TMEM178B: variants seen among roughly 807,000 people sequenced by gnomAD.
TMEM178B encodes transmembrane protein 178B.
In TMEM178B, 5 loss-of-function variants were observed where a neutral mutation model predicts 31.0. The observed-to-expected ratio is 0.16, with a 90% CI of 0.08 to 0.34. The LOEUF (loss-of-function observed/expected upper bound fraction) is 0.34, where lower values mean the gene tolerates loss of function less well. Among genes scored for constraint, TMEM178B ranks in the 10% least tolerant of loss-of-function variants. The pLI is 1.00. For missense variants in TMEM178B, 275 were observed against 400.3 expected, an observed-to-expected ratio of 0.69 and a Z score of 2.67; for synonymous variants, 164 against 164.0, an observed-to-expected ratio of 1.00 and a Z score of 0.00.
At chr7:141,189,068 A>G (rs1294745650) in intron 1 of TMEM178B, among the ~76,000 whole-genome samples, 2 of 152,250 alleles carry the variant, frequency 1.3e-5, no homozygotes, top group Non-Finnish European at 2.9e-5. Flanking sequence ...AAGGTCTACA[A>G]TGAAGCCATG....
intron 2 of TMEM178B, among the ~76,000 whole-genome samples, chr7:141,215,152 T>A (rs1460625456): frequency 6.6e-6 from 1 of 151,884 alleles, no homozygotes; most frequent in East Asian, 1.9e-4. Flanking sequence ...AGTAGGCACA[T>A]AAGCCCCCTT....
intron 1 of TMEM178B, among the ~76,000 whole-genome samples, chr7:141,124,544 C>T (rs952455492): frequency 2.6e-5 from 4 of 152,078 alleles, no homozygotes; most frequent in African/African-American, 7.2e-5. Context: ...TCTCTGAGGG[C>T]GGGACTCCTG....
At chr7:141,187,945 A>G (rs958664412) in intron 1 of TMEM178B, among the ~76,000 whole-genome samples, 21 of 152,070 alleles carry the variant, frequency 1.4e-4, no homozygotes, top group African/African-American at 5.1e-4. Flanking sequence ...TCTTTAGTTT[A>G]ATTAGATCCC....
Position 141,362,827 on chromosome 7 carries a change from C to T in TMEM178B, c.497-74781C>T, listed in dbSNP as rs186756625. Among the ~76,000 whole-genome samples the T allele has an allele frequency of 1.7e-3, 264 of 152,298 alleles. 1 individual carries two copies. The highest frequency in any genetic ancestry group is 6.1e-3 in the African/African-American group (254 of 41,554). ...CAGGAGAAGTGGAAAGGAAACCACC[C>T]GGGCTGTAGCCATTTCTCCTGGAGC... On this transcript the variant is annotated intron_variant, in intron 2 of 3. Coordinates refer to ENST00000565468, the MANE Select transcript of TMEM178B (RefSeq NM_001195278.2).
At chr7:141,367,711 T>C (rs1360821049) in intron 2 of TMEM178B, among the ~76,000 whole-genome samples, 1 of 152,172 alleles carries the variant, frequency 6.6e-6, no homozygotes, top group African/African-American at 2.4e-5. Context: ...AATTTCAGGC[T>C]ATGCTGAACA....
At chr7:141,157,341 G>T (rs4726345) in intron 1 of TMEM178B, among the ~76,000 whole-genome samples, 101,199 of 151,886 alleles carry the variant, frequency 0.67, 34,082 homozygotes, top group Middle Eastern at 0.72. Context: ...TCCTAGGAGA[G>T]GAGCTTCCTC....
At chr7:141,217,280 C>T (rs1054908649) in intron 2 of TMEM178B, among the ~76,000 whole-genome samples, 1 of 152,242 alleles carries the variant, frequency 6.6e-6, no homozygotes, top group South Asian at 2.1e-4. Flanking sequence ...CCTTTCAGCA[C>T]AGGTGGGGCC....
At chr7:141,146,790 T>C (rs1277817203) in intron 1 of TMEM178B, among the ~76,000 whole-genome samples, 1 of 152,174 alleles carries the variant, frequency 6.6e-6, no homozygotes, top group African/African-American at 2.4e-5. Flanking sequence ...TTACCCATAA[T>C]CCTTCTACCA....
intron 2 of TMEM178B, among the ~76,000 whole-genome samples, chr7:141,352,525 C>G (rs527879746): frequency 6.6e-6 from 1 of 152,012 alleles, no homozygotes; most frequent in Non-Finnish European, 1.5e-5. Context: ...ATTACAAGCA[C>G]GCGCCACCAC....
intron 1 of TMEM178B, among the ~76,000 whole-genome samples, chr7:141,197,630 A>AGTTTTTT (rs1360869187): frequency 6.6e-6 from 1 of 151,816 alleles, no homozygotes; most frequent in Non-Finnish European, 1.5e-5. Context: ...TTTCCATTCA[A>AGTTTTTT]GTTTTTTGTT....
At chr7:141,425,111 T>C (rs1030493254) in intron 2 of TMEM178B, among the ~76,000 whole-genome samples, 3 of 152,240 alleles carry the variant, frequency 2.0e-5, no homozygotes, top group Admixed American at 1.3e-4. Flanking sequence ...ACATGTGCTA[T>C]GCAAATTGCT....
chr7:141,095,179 A>C (rs1254385456), intron 1 of TMEM178B, among the ~76,000 whole-genome samples: 1 of 152,166 alleles, frequency 6.6e-6, no homozygotes, highest in Non-Finnish European at 1.5e-5. Context: ...TCAAAATTCT[A>C]AGAAAAGCTG....
intron 2 of TMEM178B, among the ~76,000 whole-genome samples, chr7:141,345,356 C>T (rs1001593658): frequency 6.6e-6 from 1 of 152,148 alleles, no homozygotes; most frequent in African/African-American, 2.4e-5. Flanking sequence ...ATAATATCAA[C>T]AATTTGAGAT....
chr7:141,180,027 C>G (rs1045673731), intron 1 of TMEM178B, among the ~76,000 whole-genome samples: 5 of 152,254 alleles, frequency 3.3e-5, no homozygotes, highest in South Asian at 4.2e-4. Flanking sequence ...AAGAGGAAAG[C>G]AATTTAATTA....
intron 1 of TMEM178B, among the ~76,000 whole-genome samples, chr7:141,202,841 A>G (rs111754233): frequency 0.061 from 9,347 of 152,236 alleles, 912 homozygotes; most frequent in African/African-American, 0.2. Flanking sequence ...GAGGTTGCCA[A>G]GGGTGTGCCT....
At chr7:141,133,744 C>T (rs974095609) in intron 1 of TMEM178B, among the ~76,000 whole-genome samples, 13 of 152,124 alleles carry the variant, frequency 8.5e-5, no homozygotes, top group Admixed American at 6.5e-4. Context: ...CAAAAATTCT[C>T]AAATAGATTC....
At chr7:141,217,127 C>T (rs1797164872) in intron 2 of TMEM178B, among the ~76,000 whole-genome samples, 1 of 152,186 alleles carries the variant, frequency 6.6e-6, no homozygotes, top group Admixed American at 6.5e-5. Flanking sequence ...TCTCACTAGA[C>T]TATGTCTTTA....
chr7:141,416,613 G>A (rs1457140410), intron 2 of TMEM178B, among the ~76,000 whole-genome samples: 2 of 152,160 alleles, frequency 1.3e-5, no homozygotes, highest in African/African-American at 2.4e-5. Flanking sequence ...TTTCCTTTGG[G>A]AGAACTGAAA....
At chr7:141,211,323 A>T (rs1797049345) in intron 1 of TMEM178B, among the ~76,000 whole-genome samples, 1 of 152,222 alleles carries the variant, frequency 6.6e-6, no homozygotes, top group South Asian at 2.1e-4. Context: ...ATCTGCCAAT[A>T]ACTGGCAACT....
Sources: gnomAD v4.1 joint callset for allele counts (sites outside exome capture counted in the v4.1 genomes callset) on GRCh38, gnomAD v4.1.1 for gene constraint, MANE v1.5 for transcripts, NCBI Gene and HGNC (gene_info 2026-07-23, HGNC 2026-07-21) for gene names.